Variants in AR observed in about 807,000 individuals in gnomAD.
The protein encoded by AR is androgen receptor.
AR carries 8 observed loss-of-function variants against 53.9 expected under a neutral mutation model. That is an observed-to-expected ratio of 0.15 (90% CI 0.09 to 0.27). The LOEUF (loss-of-function observed/expected upper bound fraction) is 0.27. Among genes scored for constraint, AR ranks in the 10% least tolerant of loss-of-function variants. The pLI is 1.00. For missense variants in AR, 639 were observed against 742.5 expected, an observed-to-expected ratio of 0.86 and a Z score of 1.62; for synonymous variants, 359 against 316.4, an observed-to-expected ratio of 1.13 and a Z score of -1.43.
At chrX:67,637,451 G>C (rs919507847) in intron 1 of AR, among the ~76,000 whole-genome samples, 1 of 106,000 alleles carries the variant, frequency 9.4e-6, no homozygotes, top group South Asian at 4.4e-4. Flanking sequence ...CCTTGCCATA[G>C]TTTGCTGAGG....
At chrX:67,575,798 G>A (rs1270627035) in intron 1 of AR, among the ~76,000 whole-genome samples, 1 of 111,687 alleles carries the variant, frequency 9.0e-6, no homozygotes, top group Non-Finnish European at 1.9e-5. Context: ...TATATTTGAG[G>A]TGTCTATTTG....
At chrX:67,704,230 C>T (rs1355059479) in intron 3 of AR, among the ~76,000 whole-genome samples, 1 of 111,968 alleles carries the variant, frequency 8.9e-6, no homozygotes, top group Non-Finnish European at 1.9e-5. Context: ...CACTGACTTC[C>T]ACAATGGTTG....
intron 2 of AR, among the ~76,000 whole-genome samples, chrX:67,647,691 A>G (rs1276598845): frequency 8.9e-6 from 1 of 111,786 alleles, no homozygotes; most frequent in East Asian, 2.8e-4. Flanking sequence ...CTTAAATGTC[A>G]CAGACAGACT....
rs2147313936 is a variant in AR, at chrX:67,545,204, C to A, written c.58C>A (p.Arg20=). The part of the protein sequence containing the change: ...VYPRPPSKTY[R]GAFQNLFQSV... ...CCCTCGGCCGCCGTCCAAGACCTACCGAGGAGCTTTCCAGAATCTGTTCCA... is the reference window on the plus strand; with the variant it reads ...CCCTCGGCCGCCGTCCAAGACCTACAGAGGAGCTTTCCAGAATCTGTTCCA... The change falls in exon 1 of 8, where the codon CGA becomes AGA. Residue 20 remains arginine (R), a synonymous_variant. Coordinates refer to ENST00000374690, the MANE Select transcript of AR (RefSeq NM_000044.6). The A allele has an allele frequency of 8.3e-7, 1 of 1,209,168 alleles. No homozygotes were observed. The highest frequency in any genetic ancestry group is 1.1e-6 in the Non-Finnish European group (1 of 894,795).
intron 1 of AR, among the ~76,000 whole-genome samples, chrX:67,577,048 T>C (rs1486924550): frequency 1.9e-5 from 2 of 103,624 alleles, no homozygotes; most frequent in African/African-American, 3.5e-5. Context: ...GCAACAATTA[T>C]CAAAATCAAT....
In AR at chrX:67,556,410, G is replaced by C. The variant is rs372918505; in HGVS notation, c.1616+9648G>C. On this transcript the variant is annotated intron_variant, in intron 1 of 7. Coordinates refer to ENST00000374690, the MANE Select transcript of AR (RefSeq NM_000044.6). ...ATTTATGAATTTCTTAAGGCTTCTAGGTTTGTTACCCATCCACCAGACTGA... is the reference window on the plus strand; with the variant it reads ...ATTTATGAATTTCTTAAGGCTTCTACGTTTGTTACCCATCCACCAGACTGA... 2.7e-5 allele frequency among the ~76,000 whole-genome samples: 3 copies of C among 111,843 alleles called. No homozygotes were observed. The East Asian group carries it at 8.5e-4, about 32-fold the overall frequency.
At chrX:67,645,316 T>A (rs1926004707) in intron 2 of AR, among the ~76,000 whole-genome samples, 1 of 111,670 alleles carries the variant, frequency 9.0e-6, no homozygotes, top group Non-Finnish European at 1.9e-5. Context: ...TGTCATATCA[T>A]ACATCCCACA....
At chrX:67,661,256 T>C (rs1307261406) in intron 2 of AR, among the ~76,000 whole-genome samples, 1 of 110,949 alleles carries the variant, frequency 9.0e-6, no homozygotes, top group African/African-American at 3.3e-5. Flanking sequence ...GTATGTTGAA[T>C]AGGAGTGGTG....
At chrX:67,673,049 T>G (rs944742718) in intron 2 of AR, among the ~76,000 whole-genome samples, 1 of 109,660 alleles carries the variant, frequency 9.1e-6, no homozygotes, top group Non-Finnish European at 1.9e-5. Context: ...AAAAGTTTTT[T>G]TTTTTTTTTT....
intron 1 of AR, among the ~76,000 whole-genome samples, chrX:67,623,396 G>A (rs1267903849): frequency 9.0e-6 from 1 of 111,516 alleles, no homozygotes; most frequent in African/African-American, 3.3e-5. Flanking sequence ...ATAAACAGTG[G>A]ATCAAAGAAG....
At chrX:67,713,774 C>A (rs2076102590) in intron 4 of AR, among the ~76,000 whole-genome samples, 2 of 111,729 alleles carry the variant, frequency 1.8e-5, no homozygotes, top group African/African-American at 3.3e-5. Flanking sequence ...CTTGGCCCAA[C>A]CACCAAGATG....
chrX:67,629,527 T>C (rs1221517877), intron 1 of AR, among the ~76,000 whole-genome samples: 1 of 108,808 alleles, frequency 9.2e-6, no homozygotes, highest in Non-Finnish European at 1.9e-5. Context: ...TTCTTCTCTC[T>C]TTTTTTCTTT....
rs763570378 is a variant in AR, at chrX:67,677,547, TAGAC to T, written c.1769-8459_1769-8456del. ...ATAACACAATGGAAAGCTTGCAAAATAGACAGAGGCTAGGGGAAGAAGGATTGAG... is the reference window on the plus strand; with the variant it reads ...ATAACACAATGGAAAGCTTGCAAAATAGAGGCTAGGGGAAGAAGGATTGAG... On this transcript the variant is annotated intron_variant, in intron 2 of 7. Coordinates refer to ENST00000374690, the MANE Select transcript of AR (RefSeq NM_000044.6). Among the ~76,000 whole-genome samples, 19 of 111,953 alleles carry T rather than the reference TAGAC, an allele frequency of 1.7e-4. 1 individual carries two copies. In the South Asian group the frequency reaches 4.9e-3, roughly 29 times the overall value.
chrX:67,567,519 C>T (rs1481564410), intron 1 of AR, among the ~76,000 whole-genome samples: 1 of 111,332 alleles, frequency 9.0e-6, no homozygotes, highest in African/African-American at 3.3e-5. Flanking sequence ...ACATGGGTTC[C>T]TTTCAGCCCT....
chrX:67,566,329 A>T (rs928390359), intron 1 of AR, among the ~76,000 whole-genome samples: 2 of 112,067 alleles, frequency 1.8e-5, no homozygotes, highest in Non-Finnish European at 3.8e-5. Context: ...GGGGACTGAC[A>T]TCTCAGTAGT....
At chrX:67,574,839 T>C (rs1034309101) in intron 1 of AR, among the ~76,000 whole-genome samples, 3 of 111,503 alleles carry the variant, frequency 2.7e-5, no homozygotes, top group African/African-American at 9.8e-5. Context: ...TGATTACTAA[T>C]AAACTCAAAG....
intron 1 of AR, among the ~76,000 whole-genome samples, chrX:67,618,597 A>T (rs191380060): frequency 8.9e-6 from 1 of 111,812 alleles, no homozygotes; most frequent in African/African-American, 3.2e-5. Flanking sequence ...TTGTGTTCCA[A>T]TCCATATAGA....
chrX:67,602,413 C>T (rs1271615567), intron 1 of AR, among the ~76,000 whole-genome samples: 1 of 111,835 alleles, frequency 8.9e-6, no homozygotes, highest in Non-Finnish European at 1.9e-5. Flanking sequence ...GATATCACTC[C>T]CTTGATTAGG....
intron 1 of AR, among the ~76,000 whole-genome samples, chrX:67,604,530 T>A (rs2147379748): frequency 9.0e-6 from 1 of 111,168 alleles, no homozygotes; most frequent in South Asian, 3.8e-4. Flanking sequence ...ATGTATAAAC[T>A]GATCTGTTGG....
Sources: allele counts gnomAD v4.1 joint callset (sites outside exome capture counted in the v4.1 genomes callset), GRCh38; gene constraint gnomAD v4.1.1; transcripts MANE v1.5; gene names NCBI Gene and HGNC (gene_info 2026-07-23, HGNC 2026-07-21).